AGPAT4: variants seen among roughly 807,000 people sequenced by gnomAD.
The protein encoded by AGPAT4 is 1-acyl-sn-glycerol-3-phosphate acyltransferase delta.
AGPAT4 carries 15 observed loss-of-function variants against 48.0 expected under a neutral mutation model. The observed-to-expected ratio is 0.31, with a 90% CI of 0.21 to 0.48. AGPAT4 has a LOEUF of 0.48. AGPAT4 is among the 20% of genes least tolerant of loss of function. The pLI is 0.99. For missense variants in AGPAT4, 314 were observed against 482.5 expected, an observed-to-expected ratio of 0.65 and a Z score of 3.27; for synonymous variants, 178 against 198.7, an observed-to-expected ratio of 0.90 and a Z score of 0.88.
In AGPAT4 at chr6:161,231,872, T is replaced by A. The variant is rs1336500275; in HGVS notation, c.178+164A>T. Reference sequence around the variant, plus strand: ...TGGCATTATTCATTCAAAAAATAATTTTGGGGGATTGAGAACAAAATAGCC... The same window carrying A: ...TGGCATTATTCATTCAAAAAATAATATTGGGGGATTGAGAACAAAATAGCC... On this transcript the variant is annotated intron_variant, in intron 2 of 8. Coordinates refer to ENST00000320285, the MANE Select transcript of AGPAT4 (RefSeq NM_020133.3). This position sits in a 1 kb window ranked among gnomAD's most constrained non-coding sequence, Gnocchi z 5.3. Among the ~76,000 whole-genome samples, 2 of 152,118 alleles carry A rather than the reference T, an allele frequency of 1.3e-5. No homozygotes were observed. The highest frequency in any genetic ancestry group is 6.6e-5 in the Admixed American group (1 of 15,266).
rs906962873 is a variant in AGPAT4, at chr6:161,195,598, G to C, written c.179-29181C>G. 2.0e-5 allele frequency among the ~76,000 whole-genome samples: 3 copies of C among 152,198 alleles called. No homozygotes were observed. The highest frequency in any genetic ancestry group is 7.2e-5 in the African/African-American group (3 of 41,460). ...CTGTAGTATAAAAGCAAATGTTGCA[G>C]AACTTCATCATGTGATCAAAGCTGC... On this transcript the variant is annotated intron_variant, in intron 2 of 8. Transcript: ENST00000320285. The surrounding 1 kb of genome is among the most constrained non-coding windows in gnomAD (Gnocchi z 5.0).
In AGPAT4 at chr6:161,132,897, C is replaced by T. The variant is rs1778948215; in HGVS notation, c.*3643G>A. 1.3e-5 allele frequency: 2 copies of T among 152,218 alleles called. No homozygotes were observed. Among genetic ancestry groups the T allele is most frequent in the African/African-American group, 2.4e-5 (1 of 41,454 alleles). The allele number at this position is 152,218 out of a possible 1,614,324, so 9.4% of individuals were successfully genotyped here. On this transcript the variant is annotated 3_prime_UTR_variant, in exon 9 of 9. Transcript: ENST00000320285. ...CACAGGCGGGTTAGGGCCCGTCTTGCTTTCATGTTCTTTTAAACACAAATG... is the reference window on the plus strand; with the variant it reads ...CACAGGCGGGTTAGGGCCCGTCTTGTTTTCATGTTCTTTTAAACACAAATG...
rs77555189 is a variant in AGPAT4, at chr6:161,252,231, G to A, written c.-89-19929C>T. On this transcript the variant is annotated intron_variant, in intron 1 of 8. Coordinates refer to ENST00000320285, the MANE Select transcript of AGPAT4 (RefSeq NM_020133.3). ...CAGTCAGTGACTCGTTTCTTGCAGT[G>A]GTAATAGGAGAGTCCTCTCTCCAAC... Among the ~76,000 whole-genome samples the A allele has an allele frequency of 4.4e-3, 676 of 152,230 alleles. 10 individuals carry two copies. The highest frequency in any genetic ancestry group is 0.033 in the East Asian group (170 of 5,156).
At chr6:161,186,507 C>T (rs943973647) in intron 2 of AGPAT4, among the ~76,000 whole-genome samples, 1 of 152,132 alleles carries the variant, frequency 6.6e-6, no homozygotes, top group Non-Finnish European at 1.5e-5. Context: ...TGTCCACCAC[C>T]GCCTGTCCTC....
intron 2 of AGPAT4, among the ~76,000 whole-genome samples, chr6:161,172,306 T>C (rs1780288030): frequency 6.6e-6 from 1 of 151,992 alleles, no homozygotes; most frequent in Non-Finnish European, 1.5e-5. Context: ...CCCTTTAGGG[T>C]GAGTGAATAC....
Position 161,206,826 on chromosome 6 carries a change from A to G in AGPAT4, c.178+25210T>C, listed in dbSNP as rs895534601. ...AATAAAAAAAAAGTCTTCACAAACA[A>G]AAAAAGGTTTTCAAAAAAAGAACCA... On this transcript the variant is annotated intron_variant, in intron 2 of 8. Coordinates refer to ENST00000320285, the MANE Select transcript of AGPAT4 (RefSeq NM_020133.3). The surrounding 1 kb of genome is among the most constrained non-coding windows in gnomAD (Gnocchi z 4.8). Among the ~76,000 whole-genome samples, 1 of 152,246 alleles carries G rather than the reference A, an allele frequency of 6.6e-6. No homozygotes were observed. Among genetic ancestry groups the G allele is most frequent in the African/African-American group, 2.4e-5 (1 of 41,470 alleles).
At position 161,148,083 on chromosome 6, in the gene AGPAT4, C is replaced by T. The variant is rs958380190; in HGVS notation, c.767+1104G>A. Among the ~76,000 whole-genome samples the T allele has an allele frequency of 2.0e-5, 3 of 152,294 alleles. No homozygotes were observed. The highest frequency in any genetic ancestry group is 2.0e-4 in the Admixed American group (3 of 15,300). On this transcript the variant is annotated intron_variant, in intron 6 of 8. Transcript: ENST00000320285. This position sits in a 1 kb window ranked among gnomAD's most constrained non-coding sequence, Gnocchi z 5.5. Reference sequence around the variant, plus strand: ...TCTTGTACACATCTTGGGGTTTTCCCAAATAACTGAGCCCAGCTGGCCATT... The same window carrying T: ...TCTTGTACACATCTTGGGGTTTTCCTAAATAACTGAGCCCAGCTGGCCATT...
chr6:161,139,772 T>C lies in AGPAT4; in HGVS notation c.844-152A>G, dbSNP rs550667299. 2.4e-5 allele frequency: 15 copies of C among 637,734 alleles called. No homozygotes were observed. In the East Asian group the frequency reaches 3.6e-4, roughly 15 times the overall value. 39.5% of individuals were successfully genotyped at this position (637,734 alleles called of 1,614,324 possible). ...CTGCAGCTCCTTCCAGAAAGCACTT[T>C]GTAGGCAGCTGCTGTCTTCTCAAAG... On this transcript the variant is annotated intron_variant, in intron 7 of 8. Transcript: ENST00000320285. This position sits in a 1 kb window ranked among gnomAD's most constrained non-coding sequence, Gnocchi z 9.1.
At position 161,239,275 on chromosome 6, in the gene AGPAT4, A is replaced by G. The variant is rs78655562; in HGVS notation, c.-89-6973T>C. On this transcript the variant is annotated intron_variant, in intron 1 of 8. Transcript: ENST00000320285. ...AAGAAAACTCAGAATTTCCCCATGA[A>G]AGAATCCAAACCGCATCCTTCTCTA... 5.4e-3 allele frequency among the ~76,000 whole-genome samples: 816 copies of G among 152,356 alleles called. 8 individuals carry two copies. The highest frequency in any genetic ancestry group is 0.019 in the African/African-American group (779 of 41,584).
intron 2 of AGPAT4, among the ~76,000 whole-genome samples, chr6:161,227,908 A>T (rs946975381): frequency 6.6e-6 from 1 of 152,156 alleles, no homozygotes; most frequent in Non-Finnish European, 1.5e-5. Flanking sequence ...ACTTCCCAAG[A>T]GGAAAATAAA....
chr6:161,269,731 C>T (rs1783369572), intron 1 of AGPAT4, among the ~76,000 whole-genome samples: 1 of 152,138 alleles, frequency 6.6e-6, no homozygotes, highest in African/African-American at 2.4e-5. Context: ...TAAGGAAAAA[C>T]CAGTTTCCCG....
In AGPAT4 at chr6:161,219,617, AATTT is replaced by A. The variant is rs1781748349; in HGVS notation, c.178+12415_178+12418del. On this transcript the variant is annotated intron_variant, in intron 2 of 8. Coordinates refer to ENST00000320285, the MANE Select transcript of AGPAT4 (RefSeq NM_020133.3). This position sits in a 1 kb window ranked among gnomAD's most constrained non-coding sequence, Gnocchi z 4.9. ...AAAACAAATGGGCACTTTGCGAATT[AATTT>A]ATTTATAAACCATATGAATAGCTAA... 6.6e-6 allele frequency among the ~76,000 whole-genome samples: 1 copy of A among 152,178 alleles called. No individual in the cohort carries two copies. The highest frequency in any genetic ancestry group is 6.5e-5 in the Admixed American group (1 of 15,282).
rs1782073419 is a variant in AGPAT4, at chr6:161,229,649, G to A, written c.178+2387C>T. ...TCAAACCTGGGGATAGTTTGCACTGGCTTATCACCATGAGGTGCCCACGAG... is the reference window on the plus strand; with the variant it reads ...TCAAACCTGGGGATAGTTTGCACTGACTTATCACCATGAGGTGCCCACGAG... On this transcript the variant is annotated intron_variant, in intron 2 of 8. Transcript: ENST00000320285. This position sits in a 1 kb window ranked among gnomAD's most constrained non-coding sequence, Gnocchi z 6.0. Among the ~76,000 whole-genome samples the A allele has an allele frequency of 6.6e-6, 1 of 152,058 alleles. No homozygotes were observed. Among genetic ancestry groups the A allele is most frequent in the African/African-American group, 2.4e-5 (1 of 41,372 alleles).
rs1395522907 is a variant in AGPAT4 at position 161,245,575 on chromosome 6, G to T, written c.-89-13273C>A. Among the ~76,000 whole-genome samples the T allele has an allele frequency of 6.6e-6, 1 of 152,130 alleles. No homozygotes were observed. Among genetic ancestry groups the T allele is most frequent in the African/African-American group, 2.4e-5 (1 of 41,426 alleles). ...CTTTTTGTGGGGTGGTTCAGCGAGGGGCTGCTCAGGGGAGCAGTTTAGGGG... is the reference window on the plus strand; with the variant it reads ...CTTTTTGTGGGGTGGTTCAGCGAGGTGCTGCTCAGGGGAGCAGTTTAGGGG... On this transcript the variant is annotated intron_variant, in intron 1 of 8. Coordinates refer to ENST00000320285, the MANE Select transcript of AGPAT4 (RefSeq NM_020133.3). This position sits in a 1 kb window ranked among gnomAD's most constrained non-coding sequence, Gnocchi z 5.2.
rs952468874 is a variant in AGPAT4 at position 161,141,216 on chromosome 6, G to A, written c.844-1596C>T. On this transcript the variant is annotated intron_variant, in intron 7 of 8. Coordinates refer to ENST00000320285, the MANE Select transcript of AGPAT4 (RefSeq NM_020133.3). This position sits in a 1 kb window ranked among gnomAD's most constrained non-coding sequence, Gnocchi z 6.7. ...GCCTCTGCTCTGTCCTCGGCCCCCT[G>A]CAGCCCATTAACAAGCCTGGTCCGA... Among the ~76,000 whole-genome samples the A allele has an allele frequency of 1.3e-5, 2 of 152,046 alleles. No homozygotes were observed. The highest frequency in any genetic ancestry group is 2.9e-5 in the Non-Finnish European group (2 of 68,014).
chr6:161,156,573 T>C (rs1466847914), intron 3 of AGPAT4, among the ~76,000 whole-genome samples: 1 of 152,240 alleles, frequency 6.6e-6, no homozygotes, highest in Admixed American at 6.5e-5. Flanking sequence ...AAGGTGAGTC[T>C]ATAGCATTAT....
rs1030554142 is a variant in AGPAT4 at position 161,149,789 on chromosome 6, G to A, written c.665-500C>T. On this transcript the variant is annotated intron_variant, in intron 5 of 8. Transcript: ENST00000320285. This position sits in a 1 kb window ranked among gnomAD's most constrained non-coding sequence, Gnocchi z 6.5. ...ACTCCTGACCTCAAGTGCTCTGCCC[G>A]CCTCAGCCTCCCAAAGTGCTGGGAT... Among the ~76,000 whole-genome samples the A allele has an allele frequency of 6.6e-6, 1 of 152,098 alleles. No individual in the cohort carries two copies.
At position 161,154,220 on chromosome 6, in the gene AGPAT4, T is replaced by C; in HGVS notation, c.439A>G (p.Lys147Glu). Residue 147 changes from lysine (K) to glutamate (E), a missense_variant, in exon 4 of 9, where the codon AAG (lysine) becomes GAG (glutamate). Transcript: ENST00000320285. The surrounding 1 kb of genome is among the most constrained non-coding windows in gnomAD (Gnocchi z 7.8). ...YFTEMVFCSRKWEQDRKTVAT... is the reference protein window; with the variant it reads ...YFTEMVFCSREWEQDRKTVAT... Reference sequence around the variant, plus strand: ...ACCGTCTTGCGATCCTGCTCCCACTTGCGCGAACAGAAGACCATCTCGGTG... The same window carrying C: ...ACCGTCTTGCGATCCTGCTCCCACTCGCGCGAACAGAAGACCATCTCGGTG... 1.2e-6 allele frequency: 2 copies of C among 1,614,018 alleles called. No homozygotes were observed. The highest frequency in any genetic ancestry group is 1.7e-6 in the Non-Finnish European group (2 of 1,179,996).
At chr6:161,228,021 G>C (rs564390360) in intron 2 of AGPAT4, among the ~76,000 whole-genome samples, 8 of 152,260 alleles carry the variant, frequency 5.3e-5, no homozygotes, top group Admixed American at 5.2e-4. Context: ...ACCTGTCCAA[G>C]TGATGAACCA....
Sources: gnomAD v4.1 joint callset for allele counts (sites outside exome capture counted in the v4.1 genomes callset) on GRCh38, gnomAD v4.1.1 for gene constraint, Gnocchi (gnomAD v3.1) non-coding constraint, MANE v1.5 for transcripts, NCBI Gene and HGNC (gene_info 2026-07-23, HGNC 2026-07-21) for gene names.